The following RMND1 variants were observed in gnomAD, a reference collection of about 807,000 sequenced individuals.
RMND1 encodes required for meiotic nuclear division 1 homolog.
A neutral mutation model predicts 54.0 loss-of-function variants in RMND1; 41 were observed. The observed-to-expected ratio is 0.76, with a 90% confidence interval of 0.59 to 0.98. The LOEUF is 0.98. Ranked by LOEUF, RMND1 falls within the 50% of genes least tolerant of loss-of-function variation. The pLI, the probability that RMND1 is intolerant of heterozygous loss-of-function variation, is 0.00. For synonymous variants in RMND1, 183 were observed against 181.7 expected (o/e 1.01, Z -0.06); for missense variants, 457 against 532.0 (o/e 0.86, Z 1.39).
intron 10 of RMND1, among the ~76,000 whole-genome samples, chr6:151,415,281 C>CTT (rs61504956): frequency 6.2e-5 from 9 of 146,280 alleles, no homozygotes; most frequent in African/African-American, 2.0e-4. Flanking sequence ...AATAAGAATT[C>CTT]TTTTTTTTTT....
intron 2 of RMND1, among the ~76,000 whole-genome samples, chr6:151,438,460 G>A (rs945685646): frequency 2.0e-5 from 3 of 152,222 alleles, no homozygotes; most frequent in African/African-American, 7.2e-5. Context: ...GGATCTTCCT[G>A]TAGCTGTACT....
At chr6:151,447,115 C>T (rs1780976335) in intron 1 of RMND1, among the ~76,000 whole-genome samples, 1 of 151,896 alleles carries the variant, frequency 6.6e-6, no homozygotes, top group Non-Finnish European at 1.5e-5. Flanking sequence ...CTTGAAAGGG[C>T]AGAAGGATCA....
chr6:151,417,438 A>G (rs1018778224), intron 9 of RMND1, 39 bp from the exon 10 acceptor site: 3 of 1,457,718 alleles, frequency 2.1e-6, no homozygotes, highest in East Asian at 2.4e-5. Context: ...TTTATCTTGA[A>G]TTAAAAATCA....
Position 151,417,811 on chromosome 6 carries a change from A to AT in RMND1, c.1080-413dup, listed in dbSNP as rs764636849. On this transcript the variant is annotated intron_variant, in intron 9 of 11. Transcript: ENST00000444024. The stretch of plus-strand genomic sequence containing the variant: ...CAGAAAAAAACTCATTTTGTTTTCA[A>AT]TTTTTTTTTTTTTTTTGAGACAGAG... Among the ~76,000 whole-genome samples, 676 of 142,582 alleles carry AT rather than the reference A, an allele frequency of 4.7e-3. 3 individuals are homozygous for AT. The highest frequency in any genetic ancestry group is 0.016 in the East Asian group (79 of 5,038). 93.5% of individuals were successfully genotyped at this position (142,582 alleles called of 152,430 possible).
intron 2 of RMND1, 26 bp downstream of exon 2, chr6:151,445,282 G>A (rs1780918891): frequency 5.1e-6 from 8 of 1,582,098 alleles, no homozygotes; most frequent in Non-Finnish European, 6.9e-6. Context: ...CACTAAGCAC[G>A]AGAGCCACGG....
chr6:151,407,977 G>A (rs865875525), intron 10 of RMND1, among the ~76,000 whole-genome samples: 1 of 152,100 alleles, frequency 6.6e-6, no homozygotes, highest in African/African-American at 2.4e-5. Flanking sequence ...AGGCATGTAC[G>A]CGTCGAGCAT....
Position 151,404,954 on chromosome 6 carries a change from C to T in RMND1, c.*281G>A, listed in dbSNP as rs544918031. ...TGTGATCTTAGCTCACTGCAACCTC[C>T]GCCTCCCAAGTTCAAGAGATTCTCC... On this transcript the variant is annotated 3_prime_UTR_variant, in exon 12 of 12. Coordinates refer to ENST00000444024, the MANE Select transcript of RMND1 (RefSeq NM_017909.4). The T allele has an allele frequency of 7.6e-4, 248 of 325,826 alleles. 1 individual carries two copies. The highest frequency in any genetic ancestry group is 4.6e-3 in the African/African-American group (209 of 45,216). The allele number at this position is 325,826 out of a possible 1,614,324, so 20.2% of individuals were successfully genotyped here. A position where few individuals can be genotyped will look rare whatever the true frequency, so the allele number is the denominator to read the frequency against.
At chr6:151,436,772 C>A in intron 2 of RMND1, 1 of 422,036 alleles carries the variant, frequency 2.4e-6, no homozygotes, top group Non-Finnish European at 4.3e-6. Context: ...TGCTCCCTCC[C>A]GCCAGGCAAA....
In RMND1 at chr6:151,445,769, T is replaced by G. The variant is rs1780937906; in HGVS notation, c.43A>C (p.Ile15Leu). ...LLRAVARSHHILSKAHQCRRI... is the reference protein window; with the variant it reads ...LLRAVARSHHLLSKAHQCRRI... The stretch of plus-strand genomic sequence containing the variant: ...CGGCACTGATGTGCTTTTGATAATA[T>G]ATGATGAGATCTGGCCACGGCTCTG... The change falls in exon 2 of 12, where the codon ATA becomes CTA. Residue 15 changes from isoleucine (I) to leucine (L), a missense_variant. By Grantham distance (5) the Ile-to-Leu change is conservative. Transcript: ENST00000444024. 6.2e-7 allele frequency: 1 copy of G among 1,613,256 alleles called. No individual in the cohort carries two copies. The highest frequency in any genetic ancestry group is 8.5e-7 in the Non-Finnish European group (1 of 1,179,970).
At chr6:151,441,943 T>G (rs940702628) in intron 2 of RMND1, among the ~76,000 whole-genome samples, 2 of 152,132 alleles carry the variant, frequency 1.3e-5, no homozygotes, top group African/African-American at 4.8e-5. Context: ...GGGAGGGCAG[T>G]CTTGTGGGGC....
intron 4 of RMND1, among the ~76,000 whole-genome samples, chr6:151,431,268 G>C (rs1313102333): frequency 6.6e-6 from 1 of 152,006 alleles, no homozygotes; most frequent in Non-Finnish European, 1.5e-5. Context: ...GGGCAAGCAG[G>C]ATAAAGAGGC....
rs370863743 is a variant in RMND1, at chr6:151,436,526, G to T, written c.533C>A (p.Thr178Lys). ...ATTTCCCAGATGATACTCATCTGCC[G>T]TTGCAAATGCTGTGCAGTGCATTAG... ...EDLMHCTAFA[T>K]ADEYHLGNLS... The change falls in exon 3 of 12, where the codon ACG becomes AAG. Residue 178 changes from threonine to lysine, a missense_variant. Thr to Lys is a moderately conservative substitution (Grantham distance 78). Transcript: ENST00000444024. The T allele has an allele frequency of 6.2e-7, 1 of 1,613,826 alleles. No individual in the cohort carries two copies. Among genetic ancestry groups the T allele is most frequent in the Non-Finnish European group, 8.5e-7 (1 of 1,179,768 alleles).
At chr6:151,427,674 A>G (rs1362841683) in intron 5 of RMND1, 92 bp from the exon 6 acceptor site, 21 of 724,334 alleles carry the variant, frequency 2.9e-5, no homozygotes, top group Non-Finnish European at 4.9e-5. Flanking sequence ...TCTTCATTAC[A>G]CTTACAGGCA....
intron 4 of RMND1, among the ~76,000 whole-genome samples, chr6:151,431,898 T>G (rs937102867): frequency 1.3e-5 from 2 of 152,016 alleles, no homozygotes; most frequent in African/African-American, 4.8e-5. Flanking sequence ...CTGGAAAATG[T>G]ATCATTACAT....
intron 10 of RMND1, chr6:151,411,425 A>G (rs1369808104): frequency 2.0e-5 from 3 of 152,230 alleles, no homozygotes; most frequent in African/African-American, 7.2e-5. Flanking sequence ...TATAGATGTG[A>G]ACCCCTTCAT....
rs188383916 is a variant in RMND1, at chr6:151,447,643, T to C, written c.-14-1818A>G. ...AGAACCTGCTGCTTCCAAAATCCCT[T>C]CAAAAGCTCGCATTCTGTGCTTCAT... On this transcript the variant is annotated intron_variant, in intron 1 of 11. Coordinates refer to ENST00000444024, the MANE Select transcript of RMND1 (RefSeq NM_017909.4). Among the ~76,000 whole-genome samples the C allele has an allele frequency of 1.5e-3, 226 of 152,280 alleles. 2 individuals carry two copies. The highest frequency in any genetic ancestry group is 2.5e-3 in the Non-Finnish European group (172 of 68,016).
At chr6:151,416,116 C>CT (rs1779999028) in intron 10 of RMND1, among the ~76,000 whole-genome samples, 1 of 151,648 alleles carries the variant, frequency 6.6e-6, no homozygotes, top group South Asian at 2.1e-4. Flanking sequence ...GTAGCTGGGA[C>CT]TACAGGCACG....
At chr6:151,405,862 T>C (rs376603280) in intron 10 of RMND1, 26 bp from the exon 11 acceptor site, 4 of 1,226,072 alleles carry the variant, frequency 3.3e-6, no homozygotes, top group African/African-American at 3.0e-5. Flanking sequence ...TTCAGTAACA[T>C]GTATTTAAAC....
intron 2 of RMND1, among the ~76,000 whole-genome samples, chr6:151,442,845 T>C (rs1445665015): frequency 6.6e-6 from 1 of 152,052 alleles, no homozygotes; most frequent in Non-Finnish European, 1.5e-5. Flanking sequence ...CACTATTGCT[T>C]TTAGGAATTG....
Sources: gnomAD v4.1 joint callset for allele counts (sites outside exome capture counted in the v4.1 genomes callset) on GRCh38, gnomAD v4.1.1 for gene constraint, MANE v1.5 for transcripts, NCBI Gene and HGNC (gene_info 2026-07-23, HGNC 2026-07-21) for gene names.